ALDH6A1: variants seen among roughly 807,000 people sequenced by gnomAD.
ALDH6A1 encodes methylmalonate-semialdehyde/malonate-semialdehyde dehydrogenase [acylating], mitochondrial.
In ALDH6A1, 43 loss-of-function variants were observed where a neutral mutation model predicts 62.6. The ratio of observed to expected loss-of-function variants is 0.69; its 90% CI spans 0.54 to 0.89. The LOEUF (loss-of-function observed/expected upper bound fraction) is 0.89. ALDH6A1 is among the 40% of genes least tolerant of loss of function. The probability of loss-of-function intolerance (pLI) is 0.00; values close to 1 mark genes in which losing one functional copy is unlikely to be tolerated. For synonymous variants in ALDH6A1, 194 were observed against 234.2 expected, an observed-to-expected ratio of 0.83 and a Z score of 1.57; for missense variants, 551 against 661.3, an observed-to-expected ratio of 0.83 and a Z score of 1.83.
chr14:74,069,192 C>G, intron 6 of ALDH6A1: 1 of 445,576 alleles, frequency 2.2e-6, no homozygotes, highest in Non-Finnish European at 4.1e-6. Flanking sequence ...GCAACCTCCG[C>G]CTCCCAGGTT....
chr14:74,081,731 C>G (rs898352922), intron 1 of ALDH6A1, among the ~76,000 whole-genome samples: 11 of 152,154 alleles, frequency 7.2e-5, no homozygotes, highest in Non-Finnish European at 1.6e-4. Flanking sequence ...CCCAGATACT[C>G]CTATTGTTTA....
intron 6 of ALDH6A1, among the ~76,000 whole-genome samples, chr14:74,069,677 C>T (rs1179514378): frequency 1.3e-5 from 2 of 151,706 alleles, no homozygotes; most frequent in Admixed American, 6.6e-5. Context: ...TGCTTGAACC[C>T]GGGAGGCAGA....
At chr14:74,077,263 A>C (rs2060622629) in intron 1 of ALDH6A1, among the ~76,000 whole-genome samples, 1 of 152,034 alleles carries the variant, frequency 6.6e-6, no homozygotes, top group South Asian at 2.1e-4. Context: ...CCTACCCCAA[A>C]CTAGGTTAAG....
intron 1 of ALDH6A1, among the ~76,000 whole-genome samples, chr14:74,075,487 G>A (rs1459844978): frequency 6.6e-6 from 1 of 151,850 alleles, no homozygotes; most frequent in Non-Finnish European, 1.5e-5. Context: ...GCAAAACCTT[G>A]TCTACAAAAA....
chr14:74,078,808 T>C (rs1206243772), intron 1 of ALDH6A1, among the ~76,000 whole-genome samples: 1 of 150,910 alleles, frequency 6.6e-6, no homozygotes, highest in Non-Finnish European at 1.5e-5. Flanking sequence ...GGATTACAGG[T>C]GTGAGCCACT....
intron 7 of ALDH6A1, among the ~76,000 whole-genome samples, chr14:74,067,876 GATCACACCATTGT>G (rs2139776267): frequency 6.6e-6 from 1 of 151,758 alleles, no homozygotes; most frequent in African/African-American, 2.4e-5. Context: ...AGTGAGCCAA[GATCACACCATTGT>G]ACTCCAGACT....
chr14:74,072,893 G>A (rs1049976406), intron 2 of ALDH6A1, among the ~76,000 whole-genome samples: 6 of 151,226 alleles, frequency 4.0e-5, no homozygotes, highest in African/African-American at 4.9e-5. Flanking sequence ...TCTGATTCCC[G>A]GGTTCGAGCA....
chr14:74,072,094 C>T (rs754337863), intron 4 of ALDH6A1, 109 bp downstream of exon 4: 30 of 1,564,152 alleles, frequency 1.9e-5, no homozygotes, highest in East Asian at 1.8e-4. Flanking sequence ...TCATGATCAA[C>T]GTCTCTGCAT....
At chr14:74,067,291 T>G in intron 8 of ALDH6A1, 89 bp downstream of exon 8, 6 of 1,423,272 alleles carry the variant, frequency 4.2e-6, no homozygotes, top group Non-Finnish European at 4.9e-6. Context: ...TAGACATGAT[T>G]GTTCCCACTG....
rs369485559 is a variant in ALDH6A1, at chr14:74,067,475, C to T, written c.947G>A (p.Arg316His). 8 of 1,614,214 alleles carry T rather than the reference C, an allele frequency of 5.0e-6. No homozygotes were observed. The highest frequency in any genetic ancestry group is 2.2e-5 in the East Asian group (1 of 44,890). ...GACTGCTGTTGAAAGAGCCATGCAG[C>T]GCTGACCAGCAGCTCCAAATGCTGC... is the stretch of plus-strand genomic sequence containing the variant. ...VGAAFGAAGQ[R>H]CMALSTAVLV... The change falls in exon 8 of 12, where the codon CGC becomes CAC. Residue 316 changes from arginine (R) to histidine (H), a missense_variant. Physicochemically the swap from Arg to His is conservative, Grantham distance 29 (BLOSUM62 0). Transcript: ENST00000553458.
chr14:74,064,707 T>G, intron 11 of ALDH6A1, 115 bp downstream of exon 11: 2 of 1,614,112 alleles, frequency 1.2e-6, no homozygotes. Flanking sequence ...TGAGAAGCAC[T>G]GATTATGACC....
intron 11 of ALDH6A1, among the ~76,000 whole-genome samples, chr14:74,061,596 G>A (rs899103124): frequency 6.6e-6 from 1 of 152,102 alleles, no homozygotes; most frequent in Admixed American, 6.6e-5. Flanking sequence ...AAAGTTCTGG[G>A]ATCACAGGCA....
rs766388876 is a variant in ALDH6A1 at position 74,071,178 on chromosome 14, T to G, written c.730+17A>C. The G allele has an allele frequency of 1.9e-6, 3 of 1,607,898 alleles. No homozygotes were observed. Among genetic ancestry groups the G allele is most frequent in the Admixed American group, 1.7e-5 (1 of 59,990 alleles). On this transcript the variant is annotated intron_variant, in intron 6 of 11. Transcript: ENST00000553458. ...TTGGTAGCCAGATTAAGTAGCCATA[T>G]GCATAAGGGCAGTTACCTTCATGCT...
In ALDH6A1 at chr14:74,057,754, C is replaced by A; in HGVS notation, c.*2888G>T. 4 of 1,140,714 alleles carry A rather than the reference C, an allele frequency of 3.5e-6. No individual in the cohort carries two copies. Among genetic ancestry groups the A allele is most frequent in the South Asian group, 1.9e-5 (1 of 52,346 alleles). The allele number at this position is 1,140,714 out of a possible 1,614,324, so 70.7% of individuals were successfully genotyped here. On this transcript the variant is annotated 3_prime_UTR_variant, in exon 12 of 12. Transcript: ENST00000553458. The stretch of plus-strand genomic sequence containing the variant: ...AATTTCAAATGAAGCCACATTAGAA[C>A]AAAAAGAAAATACTGACTTTTTAGC...
chr14:74,061,268 G>A (rs1196770197), intron 11 of ALDH6A1, among the ~76,000 whole-genome samples: 2 of 151,446 alleles, frequency 1.3e-5, no homozygotes, highest in Non-Finnish European at 1.5e-5. Flanking sequence ...GTGAGCCACC[G>A]TGCCCCCAGC....
chr14:74,067,038 A>G (rs2060477958), intron 8 of ALDH6A1, 152 bp from the exon 9 acceptor site: 1 of 783,416 alleles, frequency 1.3e-6, no homozygotes, highest in Non-Finnish European at 2.1e-6. Flanking sequence ...CAACAAAGTG[A>G]GACTTCATAT....
chr14:74,065,102 T>C, intron 10 of ALDH6A1, 79 bp downstream of exon 10: 1 of 1,549,136 alleles, frequency 6.5e-7, no homozygotes. Flanking sequence ...CTTAAACCAA[T>C]GACTCACCAT....
intron 1 of ALDH6A1, among the ~76,000 whole-genome samples, chr14:74,084,109 G>A (rs77535958): frequency 3.2e-4 from 49 of 152,294 alleles, no homozygotes; most frequent in African/African-American, 1.2e-3. Context: ...AGCCAGAAAA[G>A]AGGAGGCTTA....
Position 74,066,883 on chromosome 14 carries a change from TCTC to T in ALDH6A1, c.1043_1045del (p.Gly348del). 6.2e-7 allele frequency: 1 copy of T among 1,613,770 alleles called. No homozygotes were observed. The highest frequency in any genetic ancestry group is 1.7e-5 in the Admixed American group (1 of 59,984). On this transcript the variant is annotated inframe_deletion and splice_region_variant, in exon 9 of 12. Transcript: ENST00000553458. ...AGGGCCAAGATCAGCTCCAGGCTGA[TCTC>T]CTGTAAAACAACACAGAAGAATTTA... is the stretch of plus-strand genomic sequence containing the variant.
Sources: gnomAD v4.1 joint callset for allele counts (sites outside exome capture counted in the v4.1 genomes callset) on GRCh38, gnomAD v4.1.1 for gene constraint, MANE v1.5 for transcripts, NCBI Gene and HGNC (gene_info 2026-07-23, HGNC 2026-07-21) for gene names.